Variants in CACNG2 observed in about 807,000 individuals in gnomAD.
The protein encoded by CACNG2 is calcium voltage-gated channel auxiliary subunit gamma 2.
CACNG2 carries 3 observed loss-of-function variants against 25.9 expected under a neutral mutation model. The ratio of observed to expected loss-of-function variants is 0.12; its 90% CI spans 0.05 to 0.30. CACNG2 has a LOEUF of 0.30. Ranked by LOEUF, CACNG2 falls within the 10% of genes least tolerant of loss-of-function variation. CACNG2 has a pLI of 1.00. For synonymous variants in CACNG2, 167 were observed against 173.3 expected (o/e 0.96, Z 0.29); for missense variants, 341 against 432.5 (o/e 0.79, Z 1.88).
intron 1 of CACNG2, among the ~76,000 whole-genome samples, chr22:36,672,616 C>T (rs1303118616): frequency 1.3e-5 from 2 of 152,220 alleles, no homozygotes; most frequent in African/African-American, 4.8e-5. Flanking sequence ...GACCTTGAAC[C>T]TGGGAGCACT....
chr22:36,662,183 T>C (rs1161933332), intron 1 of CACNG2, among the ~76,000 whole-genome samples: 1 of 151,930 alleles, frequency 6.6e-6, no homozygotes, highest in Non-Finnish European at 1.5e-5. Context: ...GGTTTTGCCA[T>C]GTTGGCCAGG....
At chr22:36,650,544 T>A (rs1398808110) in intron 1 of CACNG2, among the ~76,000 whole-genome samples, 1 of 152,004 alleles carries the variant, frequency 6.6e-6, no homozygotes, top group African/African-American at 2.4e-5. Flanking sequence ...CAGCTAATAT[T>A]TTTTTTAAAA....
At position 36,689,640 on chromosome 22, in the gene CACNG2, C is replaced by A. The variant is rs181495419; in HGVS notation, c.211+12726G>T. ...CCCAGAAAATGGAAATTTCTCTCTT[C>A]TCCATGAAGCTTTCCAAGGTAGAAA... is the stretch of plus-strand genomic sequence containing the variant. On this transcript the variant is annotated intron_variant, in intron 1 of 3. Coordinates refer to ENST00000300105, the MANE Select transcript of CACNG2 (RefSeq NM_006078.5). Among the ~76,000 whole-genome samples, 23 of 152,358 alleles carry A rather than the reference C, an allele frequency of 1.5e-4. No homozygotes were observed. The East Asian group carries it at 4.4e-3, about 29-fold the overall frequency.
At chr22:36,668,244 G>A (rs975445324) in intron 1 of CACNG2, among the ~76,000 whole-genome samples, 7 of 152,216 alleles carry the variant, frequency 4.6e-5, no homozygotes, top group African/African-American at 1.7e-4. Flanking sequence ...ACAAGCCAGA[G>A]CTTCAGGCGA....
In CACNG2 at chr22:36,606,222, C is replaced by A. The variant is rs1250884512; in HGVS notation, c.212-18674G>T. On this transcript the variant is annotated intron_variant, in intron 1 of 3. Transcript: ENST00000300105. The surrounding 1 kb of genome is among the most constrained non-coding windows in gnomAD (Gnocchi z 5.7). ...CCCCAGAGCTGAGTCTTGAGAGGAC[C>A]CTAGACAAATAATTAATGCAGACGA... Among the ~76,000 whole-genome samples, 1 of 152,118 alleles carries A rather than the reference C, an allele frequency of 6.6e-6. No individual in the cohort carries two copies. Among genetic ancestry groups the A allele is most frequent in the African/African-American group, 2.4e-5 (1 of 41,418 alleles).
intron 1 of CACNG2, among the ~76,000 whole-genome samples, chr22:36,664,824 A>G (rs935501319): frequency 3.9e-5 from 6 of 152,216 alleles, no homozygotes; most frequent in African/African-American, 1.4e-4. Context: ...AAGCAAAATT[A>G]AGAGAGGAAT....
At chr22:36,667,881 G>A (rs895109191) in intron 1 of CACNG2, among the ~76,000 whole-genome samples, 5 of 152,120 alleles carry the variant, frequency 3.3e-5, no homozygotes, top group African/African-American at 1.2e-4. Flanking sequence ...GCCAGACTCG[G>A]CTTCCTAAAA....
At chr22:36,622,958 T>TAAAAA (rs1249797363) in intron 1 of CACNG2, among the ~76,000 whole-genome samples, 1 of 139,016 alleles carries the variant, frequency 7.2e-6, no homozygotes, top group Admixed American at 7.2e-5. Context: ...AAACTCCGTT[T>TAAAAA]AAAAAAAAAA....
At chr22:36,630,464 T>G (rs1293373918) in intron 1 of CACNG2, among the ~76,000 whole-genome samples, 1 of 152,144 alleles carries the variant, frequency 6.6e-6, no homozygotes, top group Non-Finnish European at 1.5e-5. Context: ...AGAGCAATTT[T>G]GCTTGGAGTC....
At chr22:36,566,296 T>G in intron 3 of CACNG2, 57 bp downstream of exon 3, 1 of 1,583,104 alleles carries the variant, frequency 6.3e-7, no homozygotes, top group East Asian at 2.2e-5. Flanking sequence ...TCGTGGCCCC[T>G]GAGCACCCAC....
chr22:36,639,413 T>G (rs1358633429), intron 1 of CACNG2, among the ~76,000 whole-genome samples: 1 of 152,162 alleles, frequency 6.6e-6, no homozygotes, highest in Non-Finnish European at 1.5e-5. Flanking sequence ...GAAAGCGTTT[T>G]GGGTAGAGGG....
chr22:36,640,140 C>T (rs1484866801), intron 1 of CACNG2, among the ~76,000 whole-genome samples: 2 of 152,112 alleles, frequency 1.3e-5, no homozygotes, highest in East Asian at 1.9e-4. Flanking sequence ...CCTATCATCC[C>T]GGCCAGTTAA....
At chr22:36,668,492 A>AT (rs112318091) in intron 1 of CACNG2, among the ~76,000 whole-genome samples, 15,662 of 146,794 alleles carry the variant, frequency 0.11, 1,027 homozygotes, top group East Asian at 0.18. Flanking sequence ...AGGGGAGTGA[A>AT]TTTTTTTTTT....
chr22:36,685,776 CACTA>C (rs1205412263), intron 1 of CACNG2, among the ~76,000 whole-genome samples: 7 of 152,258 alleles, frequency 4.6e-5, no homozygotes, highest in Non-Finnish European at 5.9e-5. Context: ...GAAGCCAAGG[CACTA>C]ACTAATTTGT....
intron 2 of CACNG2, among the ~76,000 whole-genome samples, chr22:36,571,857 T>C (rs1418329607): frequency 1.4e-5 from 2 of 144,262 alleles, no homozygotes; most frequent in African/African-American, 5.3e-5. Flanking sequence ...AGCCTGGGCG[T>C]CACAGCAAGA....
chr22:36,592,307 G>A (rs1935609250), intron 1 of CACNG2, among the ~76,000 whole-genome samples: 1 of 151,734 alleles, frequency 6.6e-6, no homozygotes, highest in South Asian at 2.1e-4. Flanking sequence ...TCAAAGCATT[G>A]TTGAAATGGG....
chr22:36,693,618 G>A (rs965520663), intron 1 of CACNG2, among the ~76,000 whole-genome samples: 6 of 152,120 alleles, frequency 3.9e-5, no homozygotes, highest in Admixed American at 1.3e-4. Context: ...AGGCATTTCT[G>A]TGCCTTTGGG....
chr22:36,699,462 G>T (rs1937383889), intron 1 of CACNG2, among the ~76,000 whole-genome samples: 1 of 151,626 alleles, frequency 6.6e-6, no homozygotes, highest in South Asian at 2.1e-4. Flanking sequence ...TTTTCATCAA[G>T]AGGTGAATGA....
chr22:36,623,116 G>T (rs1936134086), intron 1 of CACNG2, among the ~76,000 whole-genome samples: 1 of 143,196 alleles, frequency 7.0e-6, no homozygotes, highest in South Asian at 2.4e-4. Context: ...TACCTCCTAG[G>T]TTCAAGAGAT....
Sources: allele counts gnomAD v4.1 joint callset (sites outside exome capture counted in the v4.1 genomes callset), GRCh38; gene constraint gnomAD v4.1.1; non-coding constraint Gnocchi (gnomAD v3.1); transcripts MANE v1.5; gene names NCBI Gene and HGNC (gene_info 2026-07-23, HGNC 2026-07-21).